KCTD16: variants seen among roughly 807,000 people sequenced by gnomAD.
KCTD16 encodes potassium channel tetramerization domain containing 16.
In KCTD16, 13 loss-of-function variants were observed where a neutral mutation model predicts 33.2. The ratio of observed to expected loss-of-function variants is 0.39; its 90% CI spans 0.25 to 0.62. The LOEUF (loss-of-function observed/expected upper bound fraction) is 0.62, where lower values mean the gene tolerates loss of function less well. Among genes scored for constraint, KCTD16 ranks in the 20% least tolerant of loss-of-function variants. The pLI, the probability that KCTD16 is intolerant of heterozygous loss-of-function variation, is 0.50. For synonymous variants in KCTD16, 197 were observed against 195.3 expected, an observed-to-expected ratio of 1.01 and a Z score of -0.07; for missense variants, 441 against 525.1, an observed-to-expected ratio of 0.84 and a Z score of 1.57.
At chr5:144,376,120 T>G (rs115218126) in intron 3 of KCTD16, among the ~76,000 whole-genome samples, 1,927 of 152,236 alleles carry the variant, frequency 0.013, 31 homozygotes, top group African/African-American at 0.043. Context: ...AAAATCTTCC[T>G]CATTCAGAGT....
intron 3 of KCTD16, among the ~76,000 whole-genome samples, chr5:144,361,835 T>C (rs1751719927): frequency 6.6e-6 from 1 of 152,096 alleles, no homozygotes; most frequent in Non-Finnish European, 1.5e-5. Context: ...ATTCAAAATA[T>C]ATGTAAAGTC....
chr5:144,368,452 G>A (rs964405720), intron 3 of KCTD16, among the ~76,000 whole-genome samples: 1 of 152,138 alleles, frequency 6.6e-6, no homozygotes, highest in Non-Finnish European at 1.5e-5. Context: ...GTGGTATTTA[G>A]GAGCAGATTG....
At chr5:144,310,099 C>T (rs1434837711) in intron 3 of KCTD16, among the ~76,000 whole-genome samples, 1 of 151,664 alleles carries the variant, frequency 6.6e-6, no homozygotes, top group East Asian at 1.9e-4. Flanking sequence ...CTCCTCTCTA[C>T]CTCCATAAGA....
chr5:144,201,347 T>C (rs1420134864), intron 2 of KCTD16, among the ~76,000 whole-genome samples: 2 of 152,198 alleles, frequency 1.3e-5, no homozygotes, highest in African/African-American at 2.4e-5. Context: ...AATTCCCCCA[T>C]GAATAATAAA....
intron 3 of KCTD16, among the ~76,000 whole-genome samples, chr5:144,417,295 ATAT>A (rs1164529037): frequency 4.6e-5 from 7 of 152,048 alleles, no homozygotes; most frequent in African/African-American, 1.4e-4. Flanking sequence ...TTTTAAAAAT[ATAT>A]TATTATACTT....
intron 3 of KCTD16, among the ~76,000 whole-genome samples, chr5:144,355,531 A>G (rs1751551283): frequency 6.6e-6 from 1 of 152,196 alleles, no homozygotes; most frequent in African/African-American, 2.4e-5. Context: ...CCTGCCTTGC[A>G]TAGAGTGTCT....
intron 3 of KCTD16, among the ~76,000 whole-genome samples, chr5:144,337,718 A>G (rs954865308): frequency 2.0e-5 from 3 of 152,204 alleles, no homozygotes; most frequent in Admixed American, 2.0e-4. Context: ...AACTCTCGAC[A>G]AGACCTACTT....
chr5:144,393,963 CTTT>C (rs70995050), intron 3 of KCTD16, among the ~76,000 whole-genome samples: 3 of 121,984 alleles, frequency 2.5e-5, no homozygotes, highest in Admixed American at 8.2e-5. Flanking sequence ...TTTCTTTTTT[CTTT>C]TTTTTTTTTT....
intron 3 of KCTD16, among the ~76,000 whole-genome samples, chr5:144,356,426 A>C (rs1751573255): frequency 6.6e-6 from 1 of 152,000 alleles, no homozygotes; most frequent in Non-Finnish European, 1.5e-5. Flanking sequence ...GTTTTTTTTC[A>C]TGAAACCCAT....
At chr5:144,292,161 G>A (rs569352997) in intron 3 of KCTD16, among the ~76,000 whole-genome samples, 2 of 152,334 alleles carry the variant, frequency 1.3e-5, no homozygotes, top group East Asian at 3.9e-4. Context: ...ATACTTAAGA[G>A]CACTTTTGTT....
chr5:144,391,447 T>C, intron 3 of KCTD16, among the ~76,000 whole-genome samples: 1 of 152,162 alleles, frequency 6.6e-6, no homozygotes, highest in Non-Finnish European at 1.5e-5. Flanking sequence ...CTGGCCCAGG[T>C]GTTGTATTAA....
chr5:144,226,697 C>G (rs1262665494), intron 3 of KCTD16, among the ~76,000 whole-genome samples: 1 of 152,032 alleles, frequency 6.6e-6, no homozygotes, highest in African/African-American at 2.4e-5. Flanking sequence ...CTCAGCCACC[C>G]AAGTAGCTGG....
At chr5:144,410,965 A>T (rs1752919163) in intron 3 of KCTD16, among the ~76,000 whole-genome samples, 1 of 152,180 alleles carries the variant, frequency 6.6e-6, no homozygotes, top group South Asian at 2.1e-4. Flanking sequence ...ATGTGACTAT[A>T]TTAAGATATA....
At position 144,396,708 on chromosome 5, in the gene KCTD16, T is replaced by G. The variant is rs76191420; in HGVS notation, c.833-76952T>G. 5.1e-4 allele frequency among the ~76,000 whole-genome samples: 77 copies of G among 152,134 alleles called. 7 individuals carry two copies. In the East Asian group the frequency reaches 0.013, roughly 25 times the overall value. ...TCTGATCAAACCTAAAATGTAACAT[T>G]GCAAATCAAAACACCCAAGAATTGC... On this transcript the variant is annotated intron_variant, in intron 3 of 3. Coordinates refer to ENST00000512467, the MANE Select transcript of KCTD16 (RefSeq NM_020768.4).
intron 1 of KCTD16, among the ~76,000 whole-genome samples, chr5:144,173,697 CA>C (rs931360676): frequency 1.3e-5 from 2 of 152,088 alleles, no homozygotes; most frequent in African/African-American, 4.8e-5. Flanking sequence ...TCTCTGAAAG[CA>C]ATTAACGTAT....
At chr5:144,439,428 C>T (rs1753650767) in intron 3 of KCTD16, 2 of 380,436 alleles carry the variant, frequency 5.3e-6, no homozygotes, top group African/African-American at 4.4e-5. Context: ...ACCAGAGCCT[C>T]ACATCTTACT....
At chr5:144,386,936 A>G (rs1032748956) in intron 3 of KCTD16, among the ~76,000 whole-genome samples, 2 of 152,064 alleles carry the variant, frequency 1.3e-5, no homozygotes, top group African/African-American at 4.8e-5. Context: ...ACCCAACTAA[A>G]ATAGCTTACA....
chr5:144,421,556 G>A (rs147821461), intron 3 of KCTD16, among the ~76,000 whole-genome samples: 11 of 152,202 alleles, frequency 7.2e-5, no homozygotes, highest in Middle Eastern at 3.4e-3. Context: ...ATGCCAGTGG[G>A]GTAAGAGAGT....
At chr5:144,231,166 C>T (rs1172096978) in intron 3 of KCTD16, among the ~76,000 whole-genome samples, 1 of 152,038 alleles carries the variant, frequency 6.6e-6, no homozygotes, top group Non-Finnish European at 1.5e-5. Context: ...AAATTCATGT[C>T]GCTGTTGTTT....
Sources: allele counts gnomAD v4.1 joint callset (sites outside exome capture counted in the v4.1 genomes callset), GRCh38; gene constraint gnomAD v4.1.1; transcripts MANE v1.5; gene names NCBI Gene and HGNC (gene_info 2026-07-23, HGNC 2026-07-21).